Variants in PCDH9 observed in about 807,000 individuals in gnomAD.
PCDH9 encodes protocadherin 9.
PCDH9 carries 24 observed loss-of-function variants against 70.6 expected under a neutral mutation model. That is an observed-to-expected ratio of 0.34 (90% CI 0.25 to 0.48). PCDH9 has a LOEUF of 0.48. Among genes scored for constraint, PCDH9 ranks in the 20% least tolerant of loss-of-function variants. The pLI, the probability that PCDH9 is intolerant of heterozygous loss-of-function variation, is 0.99. For missense variants in PCDH9, 1,281 were observed against 1,503.6 expected (o/e 0.85, Z 2.45); for synonymous variants, 562 against 558.5 (o/e 1.01, Z -0.09).
At chr13:67,136,379 A>G (rs2087232574) in intron 2 of PCDH9, among the ~76,000 whole-genome samples, 1 of 152,188 alleles carries the variant, frequency 6.6e-6, no homozygotes, top group African/African-American at 2.4e-5. Flanking sequence ...CAAGTGACGC[A>G]TGACTGTGTA....
intron 2 of PCDH9, among the ~76,000 whole-genome samples, chr13:67,199,091 G>T (rs927391974): frequency 1.3e-5 from 2 of 151,420 alleles, no homozygotes; most frequent in East Asian, 1.9e-4. Flanking sequence ...AACATAAATT[G>T]TAGGTTTTTT....
chr13:66,651,515 C>A (rs9540855), intron 3 of PCDH9, among the ~76,000 whole-genome samples: 148,453 of 152,138 alleles, frequency 0.98, 72,542 homozygotes, highest in East Asian at 1. Context: ...TAATAAAGTA[C>A]TAAAAAGTCT....
chr13:67,209,305 C>A (rs972196030), intron 2 of PCDH9: 1 of 152,024 alleles, frequency 6.6e-6, no homozygotes, highest in Non-Finnish European at 1.5e-5. Context: ...ATATTTTAAC[C>A]CCTCTTCAAA....
chr13:66,797,964 T>G (rs2080271183), intron 3 of PCDH9, among the ~76,000 whole-genome samples: 1 of 151,224 alleles, frequency 6.6e-6, no homozygotes, highest in Non-Finnish European at 1.5e-5. Flanking sequence ...TTGGGGGGTG[T>G]GTGTGTGTGT....
intron 3 of PCDH9, among the ~76,000 whole-genome samples, chr13:66,702,548 G>A (rs2078660342): frequency 6.6e-6 from 1 of 152,120 alleles, no homozygotes; most frequent in Non-Finnish European, 1.5e-5. Flanking sequence ...AATTTGCTAA[G>A]AGCGTTGGTC....
At chr13:66,958,252 A>AT (rs2083293546) in intron 2 of PCDH9, among the ~76,000 whole-genome samples, 1 of 152,230 alleles carries the variant, frequency 6.6e-6, no homozygotes, top group Non-Finnish European at 1.5e-5. Flanking sequence ...TGAGTATTAC[A>AT]ATTGGAGTGT....
At chr13:66,588,264 C>T (rs1235812287) in intron 4 of PCDH9, among the ~76,000 whole-genome samples, 1 of 151,908 alleles carries the variant, frequency 6.6e-6, no homozygotes, top group Non-Finnish European at 1.5e-5. Context: ...CAGATTTACC[C>T]AAACAACCTT....
intron 3 of PCDH9, among the ~76,000 whole-genome samples, chr13:66,757,389 A>T (rs376833799): frequency 6.6e-6 from 1 of 152,164 alleles, no homozygotes; most frequent in Non-Finnish European, 1.5e-5. Flanking sequence ...ATTTTTAGGT[A>T]TCTTGCTAAG....
chr13:66,474,200 T>C (rs1958674709), intron 4 of PCDH9, among the ~76,000 whole-genome samples: 1 of 152,196 alleles, frequency 6.6e-6, no homozygotes. Context: ...CTTACCTATC[T>C]GCATGGGCAA....
At chr13:66,563,885 C>A (rs759294353) in intron 4 of PCDH9, among the ~76,000 whole-genome samples, 1 of 152,090 alleles carries the variant, frequency 6.6e-6, no homozygotes, top group Non-Finnish European at 1.5e-5. Flanking sequence ...TTCATCAGGA[C>A]ACTTTTTGTA....
At chr13:67,086,113 G>A (rs79583812) in intron 2 of PCDH9, among the ~76,000 whole-genome samples, 14,464 of 152,082 alleles carry the variant, frequency 0.095, 1,346 homozygotes, top group African/African-American at 0.24. Context: ...CAGATCCCCA[G>A]TGGTTTGCTT....
intron 4 of PCDH9, among the ~76,000 whole-genome samples, chr13:66,413,693 T>TAAATA (rs890562102): frequency 2.1e-4 from 32 of 151,624 alleles, no homozygotes; most frequent in South Asian, 1.2e-3. Context: ...CTTAAAAAAA[T>TAAATA]AAATAAAATA....
At chr13:67,008,906 A>G (rs1036515669) in intron 2 of PCDH9, among the ~76,000 whole-genome samples, 2 of 152,178 alleles carry the variant, frequency 1.3e-5, no homozygotes, top group Non-Finnish European at 2.9e-5. Context: ...TTCTCATAGA[A>G]CAAGAACATT....
intron 4 of PCDH9, among the ~76,000 whole-genome samples, chr13:66,513,683 T>C (rs1016647708): frequency 6.6e-6 from 1 of 151,678 alleles, no homozygotes; most frequent in Admixed American, 6.6e-5. Context: ...AACAATAGAA[T>C]GGCTGTCAGA....
chr13:66,753,841 TAATCA>T (rs1364371904), intron 3 of PCDH9, among the ~76,000 whole-genome samples: 1 of 152,172 alleles, frequency 6.6e-6, no homozygotes, highest in South Asian at 2.1e-4. Context: ...ATAAGGTACC[TAATCA>T]AATCAAGTGA....
chr13:67,112,326 C>T (rs2086673454), intron 2 of PCDH9, among the ~76,000 whole-genome samples: 1 of 152,142 alleles, frequency 6.6e-6, no homozygotes, highest in African/African-American at 2.4e-5. Flanking sequence ...TATTAGATTG[C>T]CATTTAATAT....
chr13:67,220,318 T>C (rs2089696399), intron 2 of PCDH9: 1 of 151,958 alleles, frequency 6.6e-6, no homozygotes, highest in Non-Finnish European at 1.5e-5. Flanking sequence ...ATAATATAAG[T>C]ATAATTTATA....
At chr13:66,853,206 A>ATAATAATAG (rs1375735780) in intron 3 of PCDH9, among the ~76,000 whole-genome samples, 1 of 148,996 alleles carries the variant, frequency 6.7e-6, no homozygotes, top group Non-Finnish European at 1.5e-5. Flanking sequence ...AGTAGCAATA[A>ATAATAATAG]TAATAATAAT....
rs557838530 is a variant in PCDH9, at chr13:66,659,999, T to G, written c.3139-28588A>C. 2.0e-5 allele frequency among the ~76,000 whole-genome samples: 3 copies of G among 152,308 alleles called. No homozygotes were observed. The South Asian group carries it at 6.2e-4, about 32-fold the overall frequency. ...TACACCACCTCAAAGTGGTAAAGAT[T>G]TAAGTCTTTCCAATGTTTGGAGCTA... On this transcript the variant is annotated intron_variant, in intron 3 of 4. Coordinates refer to ENST00000377865, the MANE Select transcript of PCDH9 (RefSeq NM_203487.3).
Sources: gnomAD v4.1 joint callset for allele counts (sites outside exome capture counted in the v4.1 genomes callset) on GRCh38, gnomAD v4.1.1 for gene constraint, MANE v1.5 for transcripts, NCBI Gene and HGNC (gene_info 2026-07-23, HGNC 2026-07-21) for gene names.